The following SRP19 variants were observed in gnomAD, a reference collection of about 807,000 sequenced individuals.
The protein encoded by SRP19 is signal recognition particle 19.
A neutral mutation model predicts 22.4 loss-of-function variants in SRP19; 11 were observed. That is an observed-to-expected ratio of 0.49 (90% confidence interval 0.31 to 0.81). SRP19 has a LOEUF of 0.81. Ranked by LOEUF, SRP19 falls within the 40% of genes least tolerant of loss-of-function variation. SRP19 has a pLI of 0.05. For missense variants in SRP19, 168 were observed against 175.9 expected, an observed-to-expected ratio of 0.96 and a Z score of 0.25; for synonymous variants, 61 against 57.6, an observed-to-expected ratio of 1.06 and a Z score of -0.27.
chr5:112,875,066 G>A (rs556555987), intron 4 of SRP19, among the ~76,000 whole-genome samples: 2 of 152,024 alleles, frequency 1.3e-5, no homozygotes, highest in Non-Finnish European at 2.9e-5. Context: ...GTGAACCACC[G>A]TGCCCGGCCC....
At chr5:112,892,242 T>C (rs712666) in exon 5 of SRP19, 563,006 of 1,613,844 alleles carry the variant, frequency 0.35, 103,120 homozygotes, top group African/African-American at 0.63. Context: ...TCCCAACATC[T>C]AGTCCTACCC....
chr5:112,889,479 A>G (rs1425899865), intron 4 of SRP19, among the ~76,000 whole-genome samples: 1 of 150,926 alleles, frequency 6.6e-6, no homozygotes, highest in African/African-American at 2.5e-5. Flanking sequence ...CAATTCACCA[A>G]GAATATTAAA....
At position 112,892,863 on chromosome 5, in the gene SRP19, G is replaced by A. The variant is rs61733662; in HGVS notation, c.*1256G>A. On this transcript the variant is annotated 3_prime_UTR_variant, in exon 5 of 5. Transcript: ENST00000391338. Reference sequence around the variant, plus strand: ...CCGAGAGAAAAAAGAGTAGTCATAGGGGGAAGAAATCTCACAAACGCACAT... The same window carrying A: ...CCGAGAGAAAAAAGAGTAGTCATAGAGGGAAGAAATCTCACAAACGCACAT... The A allele has an allele frequency of 1.3e-3, 2,134 of 1,613,330 alleles. 3 individuals carry two copies. The highest frequency in any genetic ancestry group is 2.6e-3 in the Middle Eastern group (16 of 6,058).
At chr5:112,871,689 A>C (rs896128023), downstream of SRP19, among the ~76,000 whole-genome samples, 3 of 151,192 alleles carry the variant, frequency 2.0e-5, no homozygotes, top group Non-Finnish European at 4.4e-5. Flanking sequence ...ACCGTGGGAA[A>C]TGGAGGTTGC....
chr5:112,864,580 C>CTT, intron 3 of SRP19, 41 bp from the exon 4 acceptor site: 1 of 1,611,436 alleles, frequency 6.2e-7, no homozygotes, highest in African/African-American at 1.3e-5. Context: ...GATGTAATAA[C>CTT]TTTCTTAAGT....
intron 4 of SRP19, among the ~76,000 whole-genome samples, chr5:112,888,796 G>A (rs899145824): frequency 6.6e-6 from 1 of 150,844 alleles, no homozygotes; most frequent in African/African-American, 2.5e-5. Flanking sequence ...CAAGGTGCAA[G>A]GATTGCTTGG....
At chr5:112,867,255 G>A in intron 4 of SRP19, 149 bp from the exon 5 acceptor site, 1 of 829,614 alleles carries the variant, frequency 1.2e-6, no homozygotes, top group Non-Finnish European at 1.8e-6. Context: ...GCTAGTCAGT[G>A]TCTTCAGTCA....
intron 4 of SRP19, chr5:112,886,874 A>G (rs748619701): frequency 5.3e-5 from 31 of 582,874 alleles, no homozygotes; most frequent in Non-Finnish European, 9.0e-5. Flanking sequence ...ATAGGCAAAG[A>G]CTTTGTAAAG....
At chr5:112,895,237 C>CAAGAAAA (rs1768644555), downstream of SRP19, 1 of 62,216 alleles carries the variant, frequency 1.6e-5, no homozygotes, top group Non-Finnish European at 2.7e-5. Flanking sequence ...GACTCTGTCT[C>CAAGAAAA]AAAAAAAAAA....
exon 5 of SRP19, chr5:112,891,680 C>G: frequency 6.2e-7 from 1 of 1,613,702 alleles, no homozygotes; most frequent in Non-Finnish European, 8.5e-7. Context: ...AAGAAGATGA[C>G]ATTTCCAGAG....
chr5:112,874,558 G>A (rs572260051), downstream of SRP19, among the ~76,000 whole-genome samples: 7 of 152,268 alleles, frequency 4.6e-5, no homozygotes, highest in African/African-American at 1.4e-4. Context: ...AGCCAGGTCC[G>A]AAAACCTCTG....
intron 2 of SRP19, among the ~76,000 whole-genome samples, chr5:112,863,282 C>CT (rs1320173029): frequency 3.3e-5 from 5 of 152,240 alleles, no homozygotes; most frequent in African/African-American, 1.2e-4. Flanking sequence ...AATTTTGTAT[C>CT]TTTTTTTCAC....
At chr5:112,896,983 C>T (rs1443064338), downstream of SRP19, 3 of 152,096 alleles carry the variant, frequency 2.0e-5, no homozygotes, top group East Asian at 1.9e-4. Context: ...ACAGAGGATA[C>T]AAAGATATTA....
chr5:112,886,348 G>C (rs952000042), intron 4 of SRP19, among the ~76,000 whole-genome samples: 1 of 152,182 alleles, frequency 6.6e-6, no homozygotes, highest in African/African-American at 2.4e-5. Flanking sequence ...CTAAAGAGTG[G>C]TAGTTTGCCC....
chr5:112,864,805 A>G, intron 4 of SRP19, 73 bp downstream of exon 4: 1 of 1,192,042 alleles, frequency 8.4e-7, no homozygotes, highest in Admixed American at 2.2e-5. Flanking sequence ...AGGTTCTAAA[A>G]CTGAAAGGTA....
intron 4 of SRP19, among the ~76,000 whole-genome samples, chr5:112,884,802 C>T (rs981872473): frequency 2.1e-4 from 32 of 150,530 alleles, no homozygotes; most frequent in Non-Finnish European, 3.8e-4. Flanking sequence ...TTTCTACTTG[C>T]TTTATTTTTT....
chr5:112,866,805 G>A (rs1767620607), intron 4 of SRP19, among the ~76,000 whole-genome samples: 1 of 152,148 alleles, frequency 6.6e-6, no homozygotes, highest in Admixed American at 6.5e-5. Flanking sequence ...TTAACTAGTA[G>A]ATAAAATAGG....
downstream of SRP19, among the ~76,000 whole-genome samples, chr5:112,873,271 C>CT (rs35379154): frequency 0.41 from 21,256 of 51,300 alleles, 4,494 homozygotes; most frequent in East Asian, 0.5. Context: ...CTCAGGTTTT[C>CT]TTTTTTTTTT....
At chr5:112,869,859 A>T (rs1767719535), downstream of SRP19, 1 of 152,358 alleles carries the variant, frequency 6.6e-6, no homozygotes, top group African/African-American at 2.4e-5. Flanking sequence ...CTTCCCAGCA[A>T]TGCGGAACTG....
Sources: gnomAD v4.1 joint callset for allele counts (sites outside exome capture counted in the v4.1 genomes callset) on GRCh38, gnomAD v4.1.1 for gene constraint, MANE v1.5 for transcripts, NCBI Gene and HGNC (gene_info 2026-07-23, HGNC 2026-07-21) for gene names.